The following ARHGEF12 variants were observed in gnomAD, a reference collection of about 807,000 sequenced individuals.
ARHGEF12 encodes KMT2A/ARHGEF12 fusion protein.
Under a neutral mutation model 211.2 loss-of-function variants are expected in ARHGEF12, and 66 were observed. The observed-to-expected ratio is 0.31, with a 90% CI of 0.26 to 0.38. The LOEUF (loss-of-function observed/expected upper bound fraction) is 0.38, where lower values mean the gene tolerates loss of function less well. Ranked by LOEUF, ARHGEF12 falls within the 10% of genes least tolerant of loss-of-function variation. The pLI is 1.00. For synonymous variants in ARHGEF12, 592 were observed against 638.4 expected, an observed-to-expected ratio of 0.93 and a Z score of 1.09; for missense variants, 1,429 against 1,869.5, an observed-to-expected ratio of 0.76 and a Z score of 4.34.
chr11:120,474,391 A>G (rs1288647361), intron 31 of ARHGEF12, among the ~76,000 whole-genome samples, 169 bp from the exon 32 acceptor site: 2 of 152,256 alleles, frequency 1.3e-5, no homozygotes, highest in African/African-American at 2.4e-5. Flanking sequence ...GATTACTTTA[A>G]TATGGCTTTT....
intron 19 of ARHGEF12, 62 bp from the exon 20 acceptor site, chr11:120,448,172 T>A: frequency 8.1e-7 from 1 of 1,237,992 alleles, no homozygotes; most frequent in Admixed American, 2.1e-5. Context: ...TCATTTGATG[T>A]CTTTATTCTA....
chr11:120,345,701 C>CAAAAAAAAAA (rs34619240), intron 1 of ARHGEF12, among the ~76,000 whole-genome samples: 1 of 78,374 alleles, frequency 1.3e-5, no homozygotes. Flanking sequence ...GACTCCGTCT[C>CAAAAAAAAAA]AAAAAAAAAA....
intron 1 of ARHGEF12, among the ~76,000 whole-genome samples, chr11:120,377,852 A>G (rs1943773461): frequency 6.6e-6 from 1 of 152,018 alleles, no homozygotes; most frequent in Non-Finnish European, 1.5e-5. Flanking sequence ...TGTGGCATAT[A>G]TTTTTCTTTC....
chr11:120,351,607 A>C (rs1942975132), intron 1 of ARHGEF12, among the ~76,000 whole-genome samples: 1 of 149,776 alleles, frequency 6.7e-6, no homozygotes, highest in Non-Finnish European at 1.5e-5. Context: ...ATTAGCTGGG[A>C]TTATAGGCAC....
At chr11:120,371,125 TA>T (rs1336197302) in intron 1 of ARHGEF12, among the ~76,000 whole-genome samples, 1 of 152,212 alleles carries the variant, frequency 6.6e-6, no homozygotes, top group Non-Finnish European at 1.5e-5. Context: ...AATTCAGTGC[TA>T]AAAAGAGTTC....
Position 120,337,260 on chromosome 11 carries a change from C to G in ARHGEF12, c.17C>G (p.Ser6Cys). MSGTQ[S>C]TITDRFPLKK... Reference sequence around the variant, plus strand: ...AGGGCCCCAATGAGTGGCACACAGTCTACTATCACCGACAGGTTGGTATGA... The same window carrying G: ...AGGGCCCCAATGAGTGGCACACAGTGTACTATCACCGACAGGTTGGTATGA... Residue 6 changes from serine to cysteine, a missense_variant, in exon 1 of 41, where the codon TCT becomes TGT. By Grantham distance (112) the Ser-to-Cys change is moderately radical. Coordinates refer to ENST00000397843, the MANE Select transcript of ARHGEF12 (RefSeq NM_015313.3). The G allele has an allele frequency of 1.2e-6, 2 of 1,614,150 alleles. No homozygotes were observed. Among genetic ancestry groups the G allele is most frequent in the Non-Finnish European group, 1.7e-6 (2 of 1,180,028 alleles).
intron 33 of ARHGEF12, 173 bp from the exon 34 acceptor site, chr11:120,476,488 T>TA (rs1947036173): frequency 4.5e-6 from 2 of 448,130 alleles, no homozygotes; most frequent in African/African-American, 2.0e-5. Flanking sequence ...GTACAATAAA[T>TA]ACGTTAATAT....
At chr11:120,347,182 TCC>T (rs1491536851) in intron 1 of ARHGEF12, among the ~76,000 whole-genome samples, 3 of 125,016 alleles carry the variant, frequency 2.4e-5, no homozygotes, top group Non-Finnish European at 4.9e-5. Context: ...CTTCCTTCCT[TCC>T]TTTCTTTCTT....
At chr11:120,451,166 A>ATTATTTTAT (rs1294017220) in intron 21 of ARHGEF12, 2 of 178,654 alleles carry the variant, frequency 1.1e-5, no homozygotes, top group Non-Finnish European at 2.4e-5. Context: ...TGCAATGCAG[A>ATTATTTTAT]TTATTTTATT....
In ARHGEF12 at chr11:120,489,415, CT is replaced by C; in HGVS notation, c.*4342del. The C allele has an allele frequency of 4.5e-6, 1 of 224,074 alleles. No individual in the cohort carries two copies. The allele number at this position is 224,074 out of a possible 1,614,324, so 13.9% of individuals were successfully genotyped here. On this transcript the variant is annotated 3_prime_UTR_variant, in exon 41 of 41. Transcript: ENST00000397843. ...TATAAAGTTCAGTGAGGTAGGCCAG[CT>C]TTTATGACGCACCTGAAGATAACTT... is the stretch of plus-strand genomic sequence containing the variant.
intron 4 of ARHGEF12, chr11:120,409,958 T>C (rs1333141134): frequency 6.6e-6 from 1 of 152,330 alleles, no homozygotes; most frequent in Non-Finnish European, 1.5e-5. Flanking sequence ...GGAAAAGTCA[T>C]TCTTGTATAA....
intron 12 of ARHGEF12, among the ~76,000 whole-genome samples, chr11:120,437,658 T>C (rs1945734560): frequency 6.6e-6 from 1 of 152,192 alleles, no homozygotes; most frequent in African/African-American, 2.4e-5. Flanking sequence ...TATATTCACA[T>C]TGTTGTGCGA....
intron 22 of ARHGEF12, among the ~76,000 whole-genome samples, chr11:120,454,706 G>A (rs1449662629): frequency 6.6e-6 from 1 of 152,238 alleles, no homozygotes; most frequent in African/African-American, 2.4e-5. Context: ...GCCCACTCAG[G>A]TGGCTGTTGG....
chr11:120,387,126 T>A (rs1944057831), intron 1 of ARHGEF12, among the ~76,000 whole-genome samples: 1 of 152,098 alleles, frequency 6.6e-6, no homozygotes, highest in African/African-American at 2.4e-5. Flanking sequence ...TTCTATTCAG[T>A]GTAAGAGATT....
At chr11:120,456,529 G>T (rs1412270554) in intron 22 of ARHGEF12, among the ~76,000 whole-genome samples, 1 of 152,134 alleles carries the variant, frequency 6.6e-6, no homozygotes, top group Non-Finnish European at 1.5e-5. Context: ...TGAAAAAGAG[G>T]TTATTTGTAG....
chr11:120,434,000 A>G (rs1020314323), intron 11 of ARHGEF12, among the ~76,000 whole-genome samples: 1 of 152,172 alleles, frequency 6.6e-6, no homozygotes, highest in Non-Finnish European at 1.5e-5. Flanking sequence ...TAGTATAGAA[A>G]TAGGCATTCC....
At chr11:120,354,988 C>T (rs1943091178) in intron 1 of ARHGEF12, among the ~76,000 whole-genome samples, 1 of 152,102 alleles carries the variant, frequency 6.6e-6, no homozygotes, top group Non-Finnish European at 1.5e-5. Flanking sequence ...AAATATTTAC[C>T]ATATCTCATT....
intron 1 of ARHGEF12, among the ~76,000 whole-genome samples, chr11:120,345,095 T>C (rs532541864): frequency 1.1e-3 from 169 of 152,322 alleles, no homozygotes; most frequent in African/African-American, 3.8e-3. Flanking sequence ...TATTTTGCTG[T>C]TGTTCTTCTG....
intron 10 of ARHGEF12, among the ~76,000 whole-genome samples, chr11:120,431,173 C>G (rs1189028110): frequency 6.6e-6 from 1 of 151,952 alleles, no homozygotes; most frequent in Non-Finnish European, 1.5e-5. Flanking sequence ...GCCTGTAATC[C>G]CAGCTACTCG....
Sources: gnomAD v4.1 joint callset for allele counts (sites outside exome capture counted in the v4.1 genomes callset) on GRCh38, gnomAD v4.1.1 for gene constraint, MANE v1.5 for transcripts, NCBI Gene and HGNC (gene_info 2026-07-23, HGNC 2026-07-21) for gene names.